ASPHD1: variants seen among roughly 807,000 people sequenced by gnomAD.
The protein encoded by ASPHD1 is aspartate beta-hydroxylase domain-containing protein 1.
ASPHD1 carries 20 observed loss-of-function variants against 28.3 expected under a neutral mutation model. The observed-to-expected ratio is 0.71, with a 90% confidence interval of 0.50 to 1.03. The LOEUF (loss-of-function observed/expected upper bound fraction) is 1.03. Among genes scored for constraint, ASPHD1 ranks in the 50% least tolerant of loss-of-function variants. The probability of loss-of-function intolerance (pLI) is 0.00; values close to 1 mark genes in which losing one functional copy is unlikely to be tolerated. For synonymous variants in ASPHD1, 240 were observed against 221.2 expected (o/e 1.08, Z -0.75); for missense variants, 479 against 524.1 (o/e 0.91, Z 0.84).
intron 3 of ASPHD1, chr16:29,913,971 CG>C (rs1171434359): frequency 6.6e-6 from 1 of 152,072 alleles, no homozygotes; most frequent in African/African-American, 2.4e-5. Flanking sequence ...CTGGGATTAC[CG>C]AGGTGTGCCA....
intron 3 of ASPHD1, among the ~76,000 whole-genome samples, chr16:29,912,561 C>T (rs1284378520): frequency 3.9e-5 from 6 of 152,230 alleles, no homozygotes; most frequent in Admixed American, 3.3e-4. Flanking sequence ...CTGCCTCAGC[C>T]TCCTGAGTAG....
At chr16:29,905,509 T>A (rs1337958811) in intron 2 of ASPHD1, among the ~76,000 whole-genome samples, 1 of 150,672 alleles carries the variant, frequency 6.6e-6, no homozygotes, top group Non-Finnish European at 1.5e-5. Flanking sequence ...GCACCTGAAA[T>A]CCCAGCTACT....
intron 1 of ASPHD1, among the ~76,000 whole-genome samples, chr16:29,902,242 AAC>A (rs1178136696): frequency 1.3e-5 from 2 of 152,220 alleles, no homozygotes; most frequent in Non-Finnish European, 2.9e-5. Context: ...AAGCCTGGAC[AAC>A]ACAGTGAGAC....
intron 1 of ASPHD1, among the ~76,000 whole-genome samples, chr16:29,903,560 CA>C (rs2068573456): frequency 6.6e-6 from 1 of 152,078 alleles, no homozygotes. Context: ...GTTTTGCCCC[CA>C]ATCATCTCCT....
At chr16:29,916,452 C>T (rs2068811352) in intron 3 of ASPHD1, among the ~76,000 whole-genome samples, 1 of 152,210 alleles carries the variant, frequency 6.6e-6, no homozygotes, top group Admixed American at 6.5e-5. Context: ...CAGCTTCTTC[C>T]CACTTCTCAG....
chr16:29,909,402 C>A (rs1022862008), downstream of ASPHD1, among the ~76,000 whole-genome samples: 2 of 152,164 alleles, frequency 1.3e-5, no homozygotes, highest in African/African-American at 4.8e-5. Context: ...TAAGAAATAG[C>A]ACTGAGTGCT....
In ASPHD1 at chr16:29,905,831, C is replaced by T. The variant is rs1312835049; in HGVS notation, c.1107C>T (p.Leu369=). The change falls in exon 3 of 3, where the codon CTC becomes CTT. Residue 369 remains leucine, a synonymous_variant. Coordinates refer to ENST00000308748, the MANE Select transcript of ASPHD1 (RefSeq NM_181718.4). ...DGPRVVFIVD[L]WHPNVAGAER... Reference sequence around the variant, plus strand: ...CTCGAGTGGTCTTCATCGTGGACCTCTGGCACCCCAACGTGGCAGGGGCTG... The same window carrying T: ...CTCGAGTGGTCTTCATCGTGGACCTTTGGCACCCCAACGTGGCAGGGGCTG... 1 of 1,613,734 alleles carries T rather than the reference C, an allele frequency of 6.2e-7. No individual in the cohort carries two copies. The highest frequency in any genetic ancestry group is 8.5e-7 in the Non-Finnish European group (1 of 1,179,948).
chr16:29,904,908 G>GC lies in ASPHD1; in HGVS notation c.1007dup (p.Glu337Ter). On this transcript the variant is annotated frameshift_variant, in exon 2 of 3. Coordinates refer to ENST00000308748, the MANE Select transcript of ASPHD1 (RefSeq NM_181718.4). LOFTEE classifies it high-confidence loss of function. Reference sequence around the variant, plus strand: ...GGTCGGCGGTGAGCCCCAGTGCTGGGCTGAGGGGCACTGTCTACTGGTGGA... The same window carrying GC: ...GGTCGGCGGTGAGCCCCAGTGCTGGGCCTGAGGGGCACTGTCTACTGGTGGA... The GC allele has an allele frequency of 6.2e-7, 1 of 1,613,574 alleles. No individual in the cohort carries two copies. The highest frequency in any genetic ancestry group is 8.5e-7 in the Non-Finnish European group (1 of 1,179,828).
At chr16:29,902,406 G>A (rs995703012) in intron 1 of ASPHD1, among the ~76,000 whole-genome samples, 1 of 152,202 alleles carries the variant, frequency 6.6e-6, no homozygotes, top group Non-Finnish European at 1.5e-5. Flanking sequence ...TCCAGCCTGG[G>A]TGACAAGAAA....
chr16:29,912,958 C>A (rs2068742985), intron 3 of ASPHD1, among the ~76,000 whole-genome samples: 1 of 152,190 alleles, frequency 6.6e-6, no homozygotes, highest in South Asian at 2.1e-4. Flanking sequence ...GCTTCTTTCT[C>A]TTCTGTCTTC....
intron 1 of ASPHD1, among the ~76,000 whole-genome samples, chr16:29,903,434 T>TC (rs2068572686): frequency 6.6e-6 from 1 of 151,808 alleles, no homozygotes; most frequent in Non-Finnish European, 1.5e-5. Flanking sequence ...TGCCTTGGCC[T>TC]CCCAAAGTGC....
rs1459151973 is a variant in ASPHD1 at position 29,900,967 on chromosome 16, G to A, written c.-5G>A. On this transcript the variant is annotated 5_prime_UTR_variant, in exon 1 of 3. Coordinates refer to ENST00000308748, the MANE Select transcript of ASPHD1 (RefSeq NM_181718.4). ...AGAGAAAGGAGAGAGGAGGGTTGGA[G>A]GTGCATGAAGGAGGGGAGAGGGAGC... 1 of 1,552,174 alleles carries A rather than the reference G, an allele frequency of 6.4e-7. No individual in the cohort carries two copies. Among genetic ancestry groups the A allele is most frequent in the Admixed American group, 2.0e-5 (1 of 51,032 alleles).
In ASPHD1 at chr16:29,901,535, C is replaced by A. The variant is rs552990789; in HGVS notation, c.564C>A (p.Gly188=). 2 of 1,569,740 alleles carry A rather than the reference C, an allele frequency of 1.3e-6. No individual in the cohort carries two copies. Among genetic ancestry groups the A allele is most frequent in the Non-Finnish European group, 1.7e-6 (2 of 1,164,020 alleles). Residue 188 remains glycine (G), a synonymous_variant, in exon 1 of 3, where the codon GGC becomes GGA. Coordinates refer to ENST00000308748, the MANE Select transcript of ASPHD1 (RefSeq NM_181718.4). This position sits in a 1 kb window ranked among gnomAD's most constrained non-coding sequence, Gnocchi z 5.1. ...GGGTCCTAGGTATTCAGCGCCCAGG[C>A]CTGCTTTTCCTACCAGACCTGCCTT... ...GPGVLGIQRP[G]LLFLPDLPSA...
rs770007749 is a variant in ASPHD1 at position 29,911,951 on chromosome 16, G to A, written c.*62+5992G>A. ...TGAGCCTCCACCCTGCAGGGCTTGG[G>A]GGCCTCACCTTGGAGGTGCTGGCCA... On this transcript the variant is annotated intron_variant and NMD_transcript_variant, in intron 3 of 3. Coordinates refer to the ASPHD1 transcript ENST00000414952. The A allele has an allele frequency of 3.1e-6, 5 of 1,610,686 alleles. No individual in the cohort carries two copies. In the South Asian group the frequency reaches 3.3e-5, roughly 11 times the overall value.
chr16:29,905,073 C>A, intron 2 of ASPHD1, 108 bp downstream of exon 2: 2 of 742,960 alleles, frequency 2.7e-6, no homozygotes, highest in Non-Finnish European at 2.2e-6. Context: ...CTACCACCAC[C>A]ATCTTCCAGC....
intron 3 of ASPHD1, among the ~76,000 whole-genome samples, chr16:29,912,655 G>C (rs1032814974): frequency 6.6e-6 from 1 of 152,148 alleles, no homozygotes; most frequent in Non-Finnish European, 1.5e-5. Context: ...GGTCAGGCTG[G>C]TCATGAACTC....
At position 29,901,638 on chromosome 16, in the gene ASPHD1, G is replaced by A. The variant is rs766429595; in HGVS notation, c.667G>A (p.Asp223Asn). The change falls in exon 1 of 3, where the codon GAC (aspartate) becomes AAC (asparagine). Residue 223 changes from aspartate to asparagine, a missense_variant. Coordinates refer to ENST00000308748, the MANE Select transcript of ASPHD1 (RefSeq NM_181718.4). The surrounding 1 kb of genome is among the most constrained non-coding windows in gnomAD (Gnocchi z 5.1). ...LESSFPAILR[D>N]FGAVSWDFSG... ...GAGCAGCTTCCCTGCCATTTTGCGGGACTTCGGGGCTGTGAGCTGGGACTT... is the reference window on the plus strand; with the variant it reads ...GAGCAGCTTCCCTGCCATTTTGCGGAACTTCGGGGCTGTGAGCTGGGACTT... 2.0e-5 allele frequency: 32 copies of A among 1,572,084 alleles called. No individual in the cohort carries two copies. Among genetic ancestry groups the A allele is most frequent in the Non-Finnish European group, 2.6e-5 (30 of 1,167,104 alleles).
chr16:29,903,098 GT>G (rs1272980017), intron 1 of ASPHD1, among the ~76,000 whole-genome samples: 2 of 150,122 alleles, frequency 1.3e-5, no homozygotes, highest in East Asian at 4.2e-4. Context: ...GCTCACGCCT[GT>G]AATCCCAGCA....
At chr16:29,918,640 T>G (rs2068852129) in intron 3 of ASPHD1, among the ~76,000 whole-genome samples, 1 of 151,670 alleles carries the variant, frequency 6.6e-6, no homozygotes, top group Admixed American at 6.6e-5. Flanking sequence ...CCAGCTAATT[T>G]TTGTAATTTT....
Sources: allele counts gnomAD v4.1 joint callset (sites outside exome capture counted in the v4.1 genomes callset), GRCh38; gene constraint gnomAD v4.1.1; non-coding constraint Gnocchi (gnomAD v3.1); transcripts MANE v1.5; gene names NCBI Gene and HGNC (gene_info 2026-07-23, HGNC 2026-07-21).